OSBPL3: variants seen among roughly 807,000 people sequenced by gnomAD.
OSBPL3 encodes the protein oxysterol binding protein like 3, also known as oxysterol-binding protein-related protein 3.
OSBPL3 carries 65 observed loss-of-function variants against 120.1 expected under a neutral mutation model. The ratio of observed to expected loss-of-function variants is 0.54; its 90% confidence interval spans 0.44 to 0.67. OSBPL3 has a LOEUF of 0.67. OSBPL3 is among the 30% of genes least tolerant of loss of function. OSBPL3 has a pLI of 0.00. For synonymous variants in OSBPL3, 416 were observed against 402.6 expected (o/e 1.03, Z -0.40); for missense variants, 1,004 against 1,082.1 (o/e 0.93, Z 1.01).
At position 24,879,715 on chromosome 7, in the gene OSBPL3, G is replaced by A. The variant is rs1803378977; in HGVS notation, c.97-7646C>T. Among the ~76,000 whole-genome samples the A allele has an allele frequency of 6.6e-6, 1 of 152,138 alleles. No homozygotes were observed. The highest frequency in any genetic ancestry group is 2.1e-4 in the South Asian group (1 of 4,826). On this transcript the variant is annotated intron_variant, in intron 2 of 22. Transcript: ENST00000313367. This position sits in a 1 kb window ranked among gnomAD's most constrained non-coding sequence, Gnocchi z 5.6. ...CCACCTGAGGTCATTCCCATCCTGA[G>A]TTTCCAAAGAGAAAAACGCTTTCCA... is the stretch of plus-strand genomic sequence containing the variant.
intron 13 of OSBPL3, among the ~76,000 whole-genome samples, chr7:24,841,416 AAACT>A (rs1210253639): frequency 2.0e-5 from 3 of 151,848 alleles, no homozygotes; most frequent in African/African-American, 7.2e-5. Flanking sequence ...GTAGAAGTCA[AAACT>A]ATTAACCTGT....
rs1321512943 is a variant in OSBPL3 at position 24,887,475 on chromosome 7, C to A, written c.96+4902G>T. Reference sequence around the variant, plus strand: ...TAATTATACCAGTTTCTTAAATTTACAGAGGACTTTTCTCCAAAGACTGTC... The same window carrying A: ...TAATTATACCAGTTTCTTAAATTTAAAGAGGACTTTTCTCCAAAGACTGTC... On this transcript the variant is annotated intron_variant, in intron 2 of 22. Transcript: ENST00000313367. Among the ~76,000 whole-genome samples the A allele has an allele frequency of 5.3e-5, 8 of 152,186 alleles. No homozygotes were observed. The South Asian group carries it at 1.7e-3, about 32-fold the overall frequency.
At position 24,964,859 on chromosome 7, in the gene OSBPL3, T is replaced by A. The variant is rs1197812808; in HGVS notation, c.-150+15027A>T. Among the ~76,000 whole-genome samples, 1 of 152,220 alleles carries A rather than the reference T, an allele frequency of 6.6e-6. No individual in the cohort carries two copies. Among genetic ancestry groups the A allele is most frequent in the Non-Finnish European group, 1.5e-5 (1 of 68,044 alleles). On this transcript the variant is annotated intron_variant, in intron 1 of 22. Transcript: ENST00000313367. The surrounding 1 kb of genome is among the most constrained non-coding windows in gnomAD (Gnocchi z 4.2). Reference sequence around the variant, plus strand: ...TATTCTAAACTTAAAAGTTGTTTTGTGTTGGGGGCTGTGATTAAAATAAGT... The same window carrying A: ...TATTCTAAACTTAAAAGTTGTTTTGAGTTGGGGGCTGTGATTAAAATAAGT...
rs1335700472 is a variant in OSBPL3, at chr7:24,819,105, T to A, written c.1948+1070A>T. 6.6e-6 allele frequency among the ~76,000 whole-genome samples: 1 copy of A among 151,828 alleles called. No homozygotes were observed. Among genetic ancestry groups the A allele is most frequent in the Non-Finnish European group, 1.5e-5 (1 of 67,962 alleles). On this transcript the variant is annotated intron_variant, in intron 17 of 22. Transcript: ENST00000313367. The surrounding 1 kb of genome is among the most constrained non-coding windows in gnomAD (Gnocchi z 4.1). ...CCATCTCTACTAAAAATACAAAAAT[T>A]AGCTGGGCATAGTGGCGCATGCCTG...
At chr7:24,865,767 C>T (rs746829075) in intron 6 of OSBPL3, among the ~76,000 whole-genome samples, 6 of 152,108 alleles carry the variant, frequency 3.9e-5, no homozygotes, top group Non-Finnish European at 7.3e-5. Context: ...TATATGCATA[C>T]CTACTGTAGT....
rs1806146545 is a variant in OSBPL3, at chr7:24,896,450, T to C, written c.-149-3829A>G. Among the ~76,000 whole-genome samples the C allele has an allele frequency of 1.3e-5, 2 of 152,218 alleles. No individual in the cohort carries two copies. The highest frequency in any genetic ancestry group is 4.8e-5 in the African/African-American group (2 of 41,464). The stretch of plus-strand genomic sequence containing the variant: ...ACACATGACATGCAAACATAAGCTG[T>C]CCTGGGGCTTCCACTAGGAAAAGAG... On this transcript the variant is annotated intron_variant, in intron 1 of 22. Transcript: ENST00000313367. This position sits in a 1 kb window ranked among gnomAD's most constrained non-coding sequence, Gnocchi z 4.4.
chr7:24,923,666 G>A (rs1040186739), intron 1 of OSBPL3, among the ~76,000 whole-genome samples: 5 of 152,204 alleles, frequency 3.3e-5, no homozygotes, highest in Admixed American at 6.5e-5. Context: ...CAGACAGCAC[G>A]CACATGCAAT....
rs1812055273 is a variant in OSBPL3 at position 24,933,646 on chromosome 7, T to G, written c.-149-41025A>C. On this transcript the variant is annotated intron_variant, in intron 1 of 22. Coordinates refer to ENST00000313367, the MANE Select transcript of OSBPL3 (RefSeq NM_015550.4). The surrounding 1 kb of genome is among the most constrained non-coding windows in gnomAD (Gnocchi z 5.1). The stretch of plus-strand genomic sequence containing the variant: ...GTAATTGAGCAAAACTCTAAGCTTG[T>G]GTAAAAAAGAAATGTTGCATTTCTA... 2.0e-5 allele frequency among the ~76,000 whole-genome samples: 3 copies of G among 152,336 alleles called. No homozygotes were observed. The highest frequency in any genetic ancestry group is 4.8e-5 in the African/African-American group (2 of 41,584).
chr7:24,901,994 T>A (rs1230579491), intron 1 of OSBPL3, among the ~76,000 whole-genome samples: 1 of 152,244 alleles, frequency 6.6e-6, no homozygotes, highest in African/African-American at 2.4e-5. Context: ...CTAAAAGCTG[T>A]GGACTCAAAC....
At chr7:24,910,715 G>A (rs927971557) in intron 1 of OSBPL3, among the ~76,000 whole-genome samples, 2 of 152,244 alleles carry the variant, frequency 1.3e-5, no homozygotes, top group African/African-American at 4.8e-5. Flanking sequence ...GCTATGGGCA[G>A]TCACAAGGGA....
At chr7:24,856,045 T>C in intron 10 of OSBPL3, among the ~76,000 whole-genome samples, 1 of 152,222 alleles carries the variant, frequency 6.6e-6, no homozygotes, top group East Asian at 1.9e-4. Flanking sequence ...GCTAAGACAT[T>C]TGCCTCAGTG....
chr7:24,959,998 TAAAAG>T lies in OSBPL3; in HGVS notation c.-150+19883_-150+19887del, dbSNP rs1382613820. Among the ~76,000 whole-genome samples, 4 of 152,190 alleles carry T rather than the reference TAAAAG, an allele frequency of 2.6e-5. No individual in the cohort carries two copies. The highest frequency in any genetic ancestry group is 2.1e-4 in the South Asian group (1 of 4,838). Reference sequence around the variant, plus strand: ...AGTAGGCAAAGATTGCAGAGAAAGATAAAAGAAAAGAATTTCCTTAAATGGTACCA... The same window carrying T: ...AGTAGGCAAAGATTGCAGAGAAAGATAAAAGAATTTCCTTAAATGGTACCA... On this transcript the variant is annotated intron_variant, in intron 1 of 22. Coordinates refer to ENST00000313367, the MANE Select transcript of OSBPL3 (RefSeq NM_015550.4). This position sits in a 1 kb window ranked among gnomAD's most constrained non-coding sequence, Gnocchi z 4.3.
rs1809639382 is a variant in OSBPL3, at chr7:24,916,922, C to CCCG, written c.-149-24302_-149-24301insCGG. Among the ~76,000 whole-genome samples the CCCG allele has an allele frequency of 2.4e-5, 3 of 126,600 alleles. 1 individual carries two copies. The highest frequency in any genetic ancestry group is 5.7e-4 in the South Asian group (2 of 3,534). 83.1% of individuals were successfully genotyped at this position (126,600 alleles called of 152,430 possible). On this transcript the variant is annotated intron_variant, in intron 1 of 22. Transcript: ENST00000313367. The surrounding 1 kb of genome is among the most constrained non-coding windows in gnomAD (Gnocchi z 4.9). Reference sequence around the variant, plus strand: ...ACTAAGACGTCTTCCATTTCCACCCCCCCCAACCTTTTTAGAAAATTAAAT... The same window carrying CCCG: ...ACTAAGACGTCTTCCATTTCCACCCCCCGCCCCAACCTTTTTAGAAAATTAAAT...
At chr7:24,970,104 C>CTTTTTTT (rs10540160) in intron 1 of OSBPL3, among the ~76,000 whole-genome samples, 1 of 83,012 alleles carries the variant, frequency 1.2e-5, no homozygotes, top group Non-Finnish European at 2.1e-5. Context: ...TCGTCCCTTT[C>CTTTTTTT]TTTTTTTTTT....
chr7:24,977,583 G>A (rs2711027), intron 1 of OSBPL3, among the ~76,000 whole-genome samples: 65,132 of 151,998 alleles, frequency 0.43, 14,178 homozygotes, highest in South Asian at 0.54. Flanking sequence ...CGGGCAGGGC[G>A]CGGTGGCTCA....
intron 1 of OSBPL3, among the ~76,000 whole-genome samples, chr7:24,975,940 C>T (rs1207902065): frequency 1.3e-5 from 2 of 152,144 alleles, no homozygotes; most frequent in African/African-American, 2.4e-5. Context: ...AAAGGCAAAA[C>T]GCTTTGTTGA....
intron 1 of OSBPL3, among the ~76,000 whole-genome samples, chr7:24,903,733 T>C (rs1807413170): frequency 6.6e-6 from 1 of 152,312 alleles, no homozygotes; most frequent in South Asian, 2.1e-4. Flanking sequence ...GCTCCAATGC[T>C]GAGTCCCTCC....
At position 24,959,324 on chromosome 7, in the gene OSBPL3, AC is replaced by A. The variant is rs1367252343; in HGVS notation, c.-150+20561del. Among the ~76,000 whole-genome samples, 2 of 152,204 alleles carry A rather than the reference AC, an allele frequency of 1.3e-5. No homozygotes were observed. Among genetic ancestry groups the A allele is most frequent in the Non-Finnish European group, 2.9e-5 (2 of 68,030 alleles). On this transcript the variant is annotated intron_variant, in intron 1 of 22. Transcript: ENST00000313367. The surrounding 1 kb of genome is among the most constrained non-coding windows in gnomAD (Gnocchi z 4.3). ...ATAAAAACCCCAAACAGAAAAAAAA[AC>A]AAATGTTTATCAATAGTAGAATGGA...
Position 24,803,583 on chromosome 7 carries a change from C to T in OSBPL3, c.2567+732G>A, listed in dbSNP as rs1283116347. Among the ~76,000 whole-genome samples, 1 of 151,962 alleles carries T rather than the reference C, an allele frequency of 6.6e-6. No homozygotes were observed. The highest frequency in any genetic ancestry group is 1.5e-5 in the Non-Finnish European group (1 of 67,994). On this transcript the variant is annotated intron_variant, in intron 22 of 22. Coordinates refer to ENST00000313367, the MANE Select transcript of OSBPL3 (RefSeq NM_015550.4). This position sits in a 1 kb window ranked among gnomAD's most constrained non-coding sequence, Gnocchi z 4.2. The stretch of plus-strand genomic sequence containing the variant: ...GTCAGGAGATTGAGACCATCCTGGC[C>T]AACAAGGTGAAACCCCGTCTCTACT...
Sources: gnomAD v4.1 joint callset for allele counts (sites outside exome capture counted in the v4.1 genomes callset) on GRCh38, gnomAD v4.1.1 for gene constraint, Gnocchi (gnomAD v3.1) non-coding constraint, MANE v1.5 for transcripts, NCBI Gene and HGNC (gene_info 2026-07-23, HGNC 2026-07-21) for gene names.